The following DIP2C variants were observed in gnomAD, a reference collection of about 807,000 sequenced individuals.
The protein encoded by DIP2C is DIP2 acetate--CoA ligase C (putative), also known as disco-interacting protein 2 homolog C.
In DIP2C, 33 loss-of-function variants were observed where a neutral mutation model predicts 192.4. That is an observed-to-expected ratio of 0.17 (90% CI 0.13 to 0.23). The LOEUF is 0.23. Among genes scored for constraint, DIP2C ranks in the 10% least tolerant of loss-of-function variants. The probability of loss-of-function intolerance (pLI) is 1.00; values close to 1 mark genes in which losing one functional copy is unlikely to be tolerated. For synonymous variants in DIP2C, 979 were observed against 864.1 expected (o/e 1.13, Z -2.33); for missense variants, 1,537 against 2,110.1 (o/e 0.73, Z 5.32).
At chr10:544,120 G>A (rs1415025327) in intron 1 of DIP2C, among the ~76,000 whole-genome samples, 3 of 150,648 alleles carry the variant, frequency 2.0e-5, no homozygotes, top group Admixed American at 6.6e-5. Flanking sequence ...TCACATTCAA[G>A]GTGAGTGGAA....
At chr10:589,644 C>A (rs1032504133) in intron 1 of DIP2C, among the ~76,000 whole-genome samples, 3 of 150,604 alleles carry the variant, frequency 2.0e-5, no homozygotes, top group African/African-American at 7.3e-5. Flanking sequence ...ACCCGTGTGT[C>A]CCTCCTGAGC....
Position 428,172 on chromosome 10 carries a change from C to A in DIP2C, c.395-5139G>T, listed in dbSNP as rs114260541. 5.9e-3 allele frequency among the ~76,000 whole-genome samples: 897 copies of A among 152,170 alleles called. 3 individuals carry two copies. The highest frequency in any genetic ancestry group is 0.014 in the East Asian group (70 of 5,182). ...TTTTATGATTTTATATCATAAAATT[C>A]TAAGATCATAAAAAACTAAAAACCA... On this transcript the variant is annotated intron_variant, in intron 4 of 36. Coordinates refer to ENST00000280886, the MANE Select transcript of DIP2C (RefSeq NM_014974.3).
intron 1 of DIP2C, among the ~76,000 whole-genome samples, chr10:611,596 C>A (rs1853103894): frequency 6.6e-6 from 1 of 152,222 alleles, no homozygotes. Flanking sequence ...GCCTCTTTAG[C>A]AGCAGAAAAG....
rs78603876 is a variant in DIP2C, at chr10:548,197, G to T, written c.86-61667C>A. On this transcript the variant is annotated intron_variant, in intron 1 of 36. Transcript: ENST00000280886. ...AGCACCTTTTCAGTCCAATTCACACGAGTCTGCCCCACCCCCCCCCCCACA... is the reference window on the plus strand; with the variant it reads ...AGCACCTTTTCAGTCCAATTCACACTAGTCTGCCCCACCCCCCCCCCCACA... Among the ~76,000 whole-genome samples, 6 of 111,012 alleles carry T rather than the reference G, an allele frequency of 5.4e-5. No individual in the cohort carries two copies. In the Admixed American group the frequency reaches 6.0e-4, roughly 11 times the overall value. The allele number at this position is 111,012 out of a possible 152,430, so 72.8% of individuals were successfully genotyped here.
chr10:371,580 A>T (rs1960961978), intron 17 of DIP2C, among the ~76,000 whole-genome samples: 1 of 151,968 alleles, frequency 6.6e-6, no homozygotes, highest in Admixed American at 6.5e-5. Flanking sequence ...GTACCCATCC[A>T]GGATAGCTGA....
intron 3 of DIP2C, among the ~76,000 whole-genome samples, chr10:447,666 C>T (rs1443081747): frequency 3.1e-5 from 4 of 127,042 alleles, no homozygotes; most frequent in Middle Eastern, 5.6e-3. Flanking sequence ...GACCCAATCA[C>T]CCCCATTGAT....
At chr10:640,632 CGGGGATGAG>C (rs1564294892) in intron 1 of DIP2C, among the ~76,000 whole-genome samples, 1 of 150,294 alleles carries the variant, frequency 6.7e-6, no homozygotes, top group East Asian at 2.0e-4. Flanking sequence ...AAGCTGCGCG[CGGGGATGAG>C]GGTGCGCGCG....
intron 1 of DIP2C, among the ~76,000 whole-genome samples, chr10:518,336 A>G (rs1846493592): frequency 1.3e-5 from 2 of 152,238 alleles, no homozygotes; most frequent in African/African-American, 4.8e-5. Flanking sequence ...GCTCCGATTG[A>G]TGCTGAAACC....
At chr10:443,944 G>A (rs1967943429) in intron 3 of DIP2C, among the ~76,000 whole-genome samples, 1 of 152,094 alleles carries the variant, frequency 6.6e-6, no homozygotes, top group Admixed American at 6.5e-5. Flanking sequence ...AAGTACACTT[G>A]GTGCACTTTG....
intron 10 of DIP2C, among the ~76,000 whole-genome samples, chr10:397,613 C>T (rs1964100086): frequency 6.6e-6 from 1 of 152,050 alleles, no homozygotes; most frequent in Non-Finnish European, 1.5e-5. Context: ...CTGGGCAGTC[C>T]CTTGGGGCGC....
chr10:498,513 C>T (rs995675876), intron 1 of DIP2C, among the ~76,000 whole-genome samples: 3 of 152,218 alleles, frequency 2.0e-5, no homozygotes, highest in East Asian at 3.8e-4. Context: ...TAGAACACAG[C>T]GCAGTCATGC....
intron 3 of DIP2C, among the ~76,000 whole-genome samples, chr10:452,347 G>T (rs1968919300): frequency 6.6e-6 from 1 of 152,160 alleles, no homozygotes. Flanking sequence ...TCTCAGTGCA[G>T]ACCCTTAGAG....
chr10:628,012 T>C (rs553678300), intron 1 of DIP2C, among the ~76,000 whole-genome samples: 1 of 152,320 alleles, frequency 6.6e-6, no homozygotes, highest in Admixed American at 6.5e-5. Flanking sequence ...GGTCTTTAAA[T>C]ATCAACACTC....
intron 6 of DIP2C, 83 bp from the exon 7 acceptor site, chr10:415,971 C>CT: frequency 6.3e-7 from 1 of 1,584,008 alleles, no homozygotes; most frequent in Non-Finnish European, 8.6e-7. Flanking sequence ...CCACAGCCCC[C>CT]TCCCCAGCGC....
intron 3 of DIP2C, among the ~76,000 whole-genome samples, chr10:470,599 C>T (rs963213691): frequency 2.0e-5 from 3 of 152,160 alleles, no homozygotes; most frequent in South Asian, 2.1e-4. Flanking sequence ...ATGCTTATCT[C>T]GTGGAGTAGC....
intron 1 of DIP2C, among the ~76,000 whole-genome samples, chr10:563,771 T>C (rs1398833616): frequency 1.3e-5 from 2 of 152,180 alleles, no homozygotes; most frequent in East Asian, 3.8e-4. Context: ...GTGAGAATGG[T>C]TGCTTAACAA....
chr10:386,493 T>C (rs976356650), intron 14 of DIP2C, among the ~76,000 whole-genome samples: 1 of 151,116 alleles, frequency 6.6e-6, no homozygotes, highest in Non-Finnish European at 1.5e-5. Context: ...CCCAGGTCCT[T>C]CAATCCCAAA....
intron 1 of DIP2C, among the ~76,000 whole-genome samples, chr10:525,961 C>T (rs1847027063): frequency 1.3e-5 from 2 of 152,196 alleles, no homozygotes; most frequent in Non-Finnish European, 1.5e-5. Context: ...AGGCCCTCAC[C>T]AGTCATGGCT....
At chr10:305,527 T>C (rs1045371421) in intron 32 of DIP2C, among the ~76,000 whole-genome samples, 3 of 152,230 alleles carry the variant, frequency 2.0e-5, no homozygotes, top group Non-Finnish European at 4.4e-5. Flanking sequence ...TATCTATGCT[T>C]TTCTGGTAAT....
Sources: allele counts gnomAD v4.1 joint callset (sites outside exome capture counted in the v4.1 genomes callset), GRCh38; gene constraint gnomAD v4.1.1; transcripts MANE v1.5; gene names NCBI Gene and HGNC (gene_info 2026-07-23, HGNC 2026-07-21).